Variants in MTHFD1L observed in about 807,000 individuals in gnomAD.
The protein encoded by MTHFD1L is methylenetetrahydrofolate dehydrogenase (NADP+ dependent) 1 like.
Under a neutral mutation model 119.5 loss-of-function variants are expected in MTHFD1L, and 81 were observed. The ratio of observed to expected loss-of-function variants is 0.68; its 90% CI spans 0.57 to 0.82. The LOEUF is 0.82. Among genes scored for constraint, MTHFD1L ranks in the 40% least tolerant of loss-of-function variants. The probability of loss-of-function intolerance (pLI) is 0.00; values close to 1 mark genes in which losing one functional copy is unlikely to be tolerated. For missense variants in MTHFD1L, 1,125 were observed against 1,253.4 expected, an observed-to-expected ratio of 0.90 and a Z score of 1.55; for synonymous variants, 430 against 475.2, an observed-to-expected ratio of 0.90 and a Z score of 1.24.
chr6:150,905,182 C>T (rs1280505905), intron 7 of MTHFD1L, among the ~76,000 whole-genome samples: 5 of 151,760 alleles, frequency 3.3e-5, no homozygotes, highest in Non-Finnish European at 7.4e-5. Flanking sequence ...TACAGGCCCC[C>T]ACCAGCACGC....
chr6:150,870,509 C>T (rs369778095), intron 1 of MTHFD1L, among the ~76,000 whole-genome samples: 4 of 152,146 alleles, frequency 2.6e-5, no homozygotes, highest in African/African-American at 9.6e-5. Context: ...AGGGGAATAT[C>T]GCAGTAAAAC....
intron 20 of MTHFD1L, among the ~76,000 whole-genome samples, chr6:150,990,850 T>C (rs117745425): frequency 0.039 from 5,949 of 152,164 alleles, 170 homozygotes; most frequent in Middle Eastern, 0.095. Flanking sequence ...ACATAAACCA[T>C]AGAGTTTGTT....
At chr6:151,092,134 GA>G (rs1794504550) in intron 26 of MTHFD1L, among the ~76,000 whole-genome samples, 1 of 152,084 alleles carries the variant, frequency 6.6e-6, no homozygotes, top group African/African-American at 2.4e-5. Context: ...CCTTCAACCT[GA>G]TGGGCTTGTC....
chr6:151,003,907 T>C (rs980395505), intron 20 of MTHFD1L, among the ~76,000 whole-genome samples: 1 of 151,470 alleles, frequency 6.6e-6, no homozygotes, highest in Non-Finnish European at 1.5e-5. Context: ...CAGGAGAAAG[T>C]TAGAGTACAT....
intron 7 of MTHFD1L, among the ~76,000 whole-genome samples, chr6:150,903,890 T>C (rs778212634): frequency 1.6e-4 from 24 of 152,240 alleles, no homozygotes; most frequent in Non-Finnish European, 3.5e-4. Context: ...ATGGTCAAAT[T>C]GATCAAATAT....
At chr6:150,986,780 C>T (rs1351788774) in intron 20 of MTHFD1L, among the ~76,000 whole-genome samples, 1 of 152,168 alleles carries the variant, frequency 6.6e-6, no homozygotes, top group African/African-American at 2.4e-5. Context: ...TATCGGCTCA[C>T]CACACTCTTC....
chr6:150,893,574 C>T (rs962199094), intron 7 of MTHFD1L, among the ~76,000 whole-genome samples: 3 of 152,186 alleles, frequency 2.0e-5, no homozygotes, highest in Admixed American at 6.5e-5. Flanking sequence ...GAACAAGACC[C>T]CCCCATCCCC....
At chr6:151,006,160 G>A (rs999581503) in intron 20 of MTHFD1L, among the ~76,000 whole-genome samples, 1 of 151,224 alleles carries the variant, frequency 6.6e-6, no homozygotes, top group Non-Finnish European at 1.5e-5. Flanking sequence ...GGTGACAGAT[G>A]AGGGCCCTGC....
chr6:151,046,468 TG>T, intron 26 of MTHFD1L, among the ~76,000 whole-genome samples: 1 of 35,262 alleles, frequency 2.8e-5, no homozygotes, highest in African/African-American at 7.1e-5. Flanking sequence ...AATATGTGTG[TG>T]TGTATATATA....
intron 7 of MTHFD1L, among the ~76,000 whole-genome samples, chr6:150,889,992 A>G (rs780470303): frequency 3.5e-4 from 53 of 152,168 alleles, no homozygotes; most frequent in Admixed American, 3.9e-4. Context: ...CCCCATCTCT[A>G]CTAAAAATAT....
intron 2 of MTHFD1L, 80 bp from the exon 3 acceptor site, chr6:150,877,554 T>A: frequency 6.8e-7 from 1 of 1,464,396 alleles, no homozygotes; most frequent in Non-Finnish European, 9.5e-7. Flanking sequence ...TCATCTGTAA[T>A]CACAAAATTC....
intron 1 of MTHFD1L, among the ~76,000 whole-genome samples, chr6:150,866,945 C>A (rs967140021): frequency 2.0e-5 from 3 of 152,166 alleles, no homozygotes; most frequent in Non-Finnish European, 2.9e-5. Context: ...GGATTAGGAA[C>A]GAGTTCCAGG....
chr6:150,987,183 G>A (rs1778430525), intron 20 of MTHFD1L, among the ~76,000 whole-genome samples: 1 of 152,056 alleles, frequency 6.6e-6, no homozygotes, highest in Non-Finnish European at 1.5e-5. Context: ...CATTTAATTA[G>A]GCTTCTACGA....
intron 7 of MTHFD1L, among the ~76,000 whole-genome samples, chr6:150,891,986 A>G (rs1019687930): frequency 7.2e-5 from 11 of 152,220 alleles, no homozygotes; most frequent in Non-Finnish European, 1.5e-4. Flanking sequence ...GAATCTTTGC[A>G]TGGCAGGTGG....
chr6:151,010,865 C>A (rs867929290), intron 21 of MTHFD1L, among the ~76,000 whole-genome samples: 7 of 152,178 alleles, frequency 4.6e-5, no homozygotes, highest in Admixed American at 6.5e-5. Flanking sequence ...TGACAAAAGT[C>A]ATATATTCAA....
chr6:151,085,424 A>G (rs1036376128), intron 26 of MTHFD1L, among the ~76,000 whole-genome samples: 2 of 152,226 alleles, frequency 1.3e-5, no homozygotes, highest in Non-Finnish European at 2.9e-5. Context: ...TTAGAAAGTC[A>G]TAAGTTAGGA....
chr6:150,941,808 A>G (rs971757014), intron 13 of MTHFD1L, among the ~76,000 whole-genome samples: 4 of 152,182 alleles, frequency 2.6e-5, no homozygotes, highest in Non-Finnish European at 5.9e-5. Flanking sequence ...TTAGAGGCCT[A>G]TGAAACATGC....
intron 7 of MTHFD1L, among the ~76,000 whole-genome samples, chr6:150,897,096 A>G (rs773671332): frequency 2.0e-5 from 3 of 152,072 alleles, no homozygotes; most frequent in Non-Finnish European, 4.4e-5. Flanking sequence ...CAGCCTGGGC[A>G]ATAGAGTGAG....
At chr6:150,978,733 C>G (rs1378850155) in intron 20 of MTHFD1L, among the ~76,000 whole-genome samples, 1 of 152,122 alleles carries the variant, frequency 6.6e-6, no homozygotes, top group Non-Finnish European at 1.5e-5. Context: ...TCCTTAAAAC[C>G]GTCTGTGGGA....
Sources: allele counts gnomAD v4.1 joint callset (sites outside exome capture counted in the v4.1 genomes callset), GRCh38; gene constraint gnomAD v4.1.1; transcripts MANE v1.5; gene names NCBI Gene and HGNC (gene_info 2026-07-23, HGNC 2026-07-21).